TSPAN5: variants seen among roughly 807,000 people sequenced by gnomAD.
TSPAN5 encodes tetraspanin-5.
A neutral mutation model predicts 37.1 loss-of-function variants in TSPAN5; 10 were observed. The observed-to-expected ratio is 0.27, with a 90% CI of 0.17 to 0.46. TSPAN5 has a LOEUF of 0.46. Among genes scored for constraint, TSPAN5 ranks in the 20% least tolerant of loss-of-function variants. The pLI is 1.00. For synonymous variants in TSPAN5, 110 were observed against 118.9 expected, an observed-to-expected ratio of 0.93 and a Z score of 0.48; for missense variants, 195 against 326.6, an observed-to-expected ratio of 0.60 and a Z score of 3.11.
intron 1 of TSPAN5, among the ~76,000 whole-genome samples, chr4:98,591,669 T>C (rs1755634562): frequency 8.3e-6 from 1 of 120,588 alleles, no homozygotes; most frequent in Non-Finnish European, 1.7e-5. Context: ...TGTTTTCATA[T>C]ATTGGGGTAA....
At chr4:98,647,361 AT>A (rs991540885) in intron 1 of TSPAN5, among the ~76,000 whole-genome samples, 2 of 152,204 alleles carry the variant, frequency 1.3e-5, no homozygotes, top group African/African-American at 4.8e-5. Context: ...GTTGGAGGAA[AT>A]TTTTGTTGGA....
chr4:98,497,930 C>A (rs1322574884), intron 2 of TSPAN5, among the ~76,000 whole-genome samples: 1 of 152,080 alleles, frequency 6.6e-6, no homozygotes, highest in Non-Finnish European at 1.5e-5. Flanking sequence ...GATGAAGAGG[C>A]TGGTTGGGCG....
chr4:98,642,528 A>G (rs543241498), intron 1 of TSPAN5, among the ~76,000 whole-genome samples: 1 of 152,334 alleles, frequency 6.6e-6, no homozygotes, highest in South Asian at 2.1e-4. Context: ...ATACTACAGT[A>G]AAGAAATTTT....
intron 1 of TSPAN5, among the ~76,000 whole-genome samples, chr4:98,590,440 G>A (rs569480480): frequency 1.4e-3 from 208 of 152,304 alleles, no homozygotes; most frequent in African/African-American, 4.8e-3. Flanking sequence ...GCCAGGCGTG[G>A]TTGCTCACTC....
intron 1 of TSPAN5, among the ~76,000 whole-genome samples, chr4:98,551,049 T>G (rs1231368986): frequency 1.3e-5 from 2 of 152,188 alleles, no homozygotes; most frequent in African/African-American, 4.8e-5. Context: ...TGAAGTATAT[T>G]CCTTCTGTGT....
At position 98,471,372 on chromosome 4, in the gene TSPAN5, A is replaced by T. The variant is rs1317656494; in HGVS notation, c.*1150T>A. The T allele has an allele frequency of 1.3e-5, 2 of 152,184 alleles. No homozygotes were observed. Among genetic ancestry groups the T allele is most frequent in the Admixed American group, 1.3e-4 (2 of 15,276 alleles). The allele number at this position is 152,184 out of a possible 1,614,324, so 9.4% of individuals were successfully genotyped here. On this transcript the variant is annotated 3_prime_UTR_variant, in exon 8 of 8. Transcript: ENST00000305798. ...ACTCAGATCGACTCTGGAAGAGATC[A>T]TCAAGACCAGGGAAGCATTTGGATG...
intron 1 of TSPAN5, among the ~76,000 whole-genome samples, chr4:98,579,074 G>C (rs1755310670): frequency 2.0e-5 from 3 of 152,120 alleles, no homozygotes; most frequent in Admixed American, 1.3e-4. Context: ...GGGGGCTCTG[G>C]TGGGTGGCTG....
chr4:98,617,434 T>C (rs1756367600), intron 1 of TSPAN5, among the ~76,000 whole-genome samples: 1 of 152,148 alleles, frequency 6.6e-6, no homozygotes, highest in African/African-American at 2.4e-5. Context: ...CAGAGGATGT[T>C]AGCAAAGTCT....
At chr4:98,491,039 G>A (rs866749556) in intron 2 of TSPAN5, among the ~76,000 whole-genome samples, 65 of 151,990 alleles carry the variant, frequency 4.3e-4, no homozygotes, top group African/African-American at 1.4e-3. Context: ...TCCAGCCTGG[G>A]TGACAAAGCG....
At chr4:98,630,148 TA>T (rs1756707894) in intron 1 of TSPAN5, among the ~76,000 whole-genome samples, 1 of 152,174 alleles carries the variant, frequency 6.6e-6, no homozygotes, top group South Asian at 2.1e-4. Context: ...TCTGAGTATC[TA>T]CTAAACAGCA....
intron 1 of TSPAN5, among the ~76,000 whole-genome samples, chr4:98,582,694 G>A (rs1479903512): frequency 6.6e-6 from 1 of 152,124 alleles, no homozygotes; most frequent in Non-Finnish European, 1.5e-5. Flanking sequence ...CTTTCTAACA[G>A]CTTATTTTCC....
At chr4:98,494,982 A>G (rs910683025) in intron 2 of TSPAN5, among the ~76,000 whole-genome samples, 4 of 152,224 alleles carry the variant, frequency 2.6e-5, no homozygotes. Context: ...AGCTTAGGGT[A>G]CTGAGAAGTG....
chr4:98,486,604 G>T, intron 3 of TSPAN5, 134 bp downstream of exon 3: 1 of 990,958 alleles, frequency 1.0e-6, no homozygotes, highest in South Asian at 1.4e-5. Context: ...TCTCTCAAAA[G>T]AAAATAATGA....
At chr4:98,486,501 T>C (rs1393772276) in intron 3 of TSPAN5, 21 of 499,320 alleles carry the variant, frequency 4.2e-5, no homozygotes, top group Non-Finnish European at 6.4e-5. Context: ...CTGTGATATA[T>C]ATGCACAAAA....
chr4:98,599,612 C>T (rs886181382), intron 1 of TSPAN5, among the ~76,000 whole-genome samples: 2 of 152,148 alleles, frequency 1.3e-5, no homozygotes, highest in Non-Finnish European at 2.9e-5. Flanking sequence ...TCCAGAAAAC[C>T]ACTGATTTGC....
At chr4:98,486,209 C>A (rs375942155) in intron 3 of TSPAN5, among the ~76,000 whole-genome samples, 1 of 152,148 alleles carries the variant, frequency 6.6e-6, no homozygotes, top group Non-Finnish European at 1.5e-5. Context: ...TCACGCCAAC[C>A]GCACCACATC....
At chr4:98,607,497 C>T (rs1295291626) in intron 1 of TSPAN5, among the ~76,000 whole-genome samples, 2 of 152,184 alleles carry the variant, frequency 1.3e-5, no homozygotes, top group Non-Finnish European at 2.9e-5. Flanking sequence ...TTCCAGGAAG[C>T]TCATTATAAA....
chr4:98,541,626 G>A (rs574587625), intron 1 of TSPAN5, among the ~76,000 whole-genome samples: 1 of 142,398 alleles, frequency 7.0e-6, no homozygotes, highest in African/African-American at 2.6e-5. Flanking sequence ...AGTGAGCCGA[G>A]ATCATGCCAC....
intron 1 of TSPAN5, among the ~76,000 whole-genome samples, chr4:98,641,856 G>A (rs1156361069): frequency 6.6e-6 from 1 of 152,202 alleles, no homozygotes; most frequent in Non-Finnish European, 1.5e-5. Flanking sequence ...TGGGCTCCCA[G>A]AAGAGAAGCT....
Sources: gnomAD v4.1 joint callset for allele counts (sites outside exome capture counted in the v4.1 genomes callset) on GRCh38, gnomAD v4.1.1 for gene constraint, MANE v1.5 for transcripts, NCBI Gene and HGNC (gene_info 2026-07-23, HGNC 2026-07-21) for gene names.